The following DMD variants were observed in gnomAD, a reference collection of about 807,000 sequenced individuals.
DMD encodes the protein dystrophin, also known as mutant dystrophin.
In DMD, 63 loss-of-function variants were observed where a neutral mutation model predicts 330.1. That is an observed-to-expected ratio of 0.19 (90% confidence interval 0.16 to 0.24). The LOEUF (loss-of-function observed/expected upper bound fraction) is 0.24. Among genes scored for constraint, DMD ranks in the 10% least tolerant of loss-of-function variants. DMD has a pLI of 1.00. For missense variants in DMD, 3,344 were observed against 2,684.1 expected, an observed-to-expected ratio of 1.25 and a Z score of -5.43; for synonymous variants, 1,223 against 959.8, an observed-to-expected ratio of 1.27 and a Z score of -5.07.
intron 60 of DMD, among the ~76,000 whole-genome samples, chrX:31,409,858 G>A (rs761581090): frequency 6.3e-5 from 7 of 110,826 alleles, no homozygotes; most frequent in Admixed American, 9.6e-5. Flanking sequence ...TTGCTCTATC[G>A]CCCAGGCTGG....
intron 47 of DMD, among the ~76,000 whole-genome samples, chrX:31,875,600 G>T (rs901976924): frequency 8.9e-6 from 1 of 111,741 alleles, no homozygotes; most frequent in African/African-American, 3.2e-5. Context: ...TTGCTTTAAA[G>T]AAACTAATAC....
intron 33 of DMD, among the ~76,000 whole-genome samples, chrX:32,381,371 C>A (rs1368894748): frequency 9.0e-6 from 1 of 111,329 alleles, no homozygotes; most frequent in African/African-American, 3.3e-5. Context: ...TACCAACACC[C>A]TCAAAAGCAA....
chrX:31,310,793 G>A (rs73466322), intron 62 of DMD, among the ~76,000 whole-genome samples: 2,835 of 104,675 alleles, frequency 0.027, 108 homozygotes, highest in African/African-American at 0.094. Flanking sequence ...GGGCTTAAGT[G>A]TTCCTTCTGC....
intron 29 of DMD, among the ~76,000 whole-genome samples, chrX:32,413,803 C>T (rs912721202): frequency 9.4e-6 from 1 of 105,872 alleles, no homozygotes; most frequent in Non-Finnish European, 1.9e-5. Context: ...TCACTGCAAC[C>T]TCTGCCTCCC....
At chrX:31,920,560 C>T (rs963110420) in intron 47 of DMD, among the ~76,000 whole-genome samples, 1 of 111,888 alleles carries the variant, frequency 8.9e-6, no homozygotes, top group African/African-American at 3.2e-5. Flanking sequence ...TAGCAAAATC[C>T]CCTTTTATTA....
chrX:32,410,485 T>A (rs1416544756), intron 30 of DMD, among the ~76,000 whole-genome samples: 1 of 111,878 alleles, frequency 8.9e-6, no homozygotes, highest in Admixed American at 9.6e-5. Context: ...CGGTGATTCA[T>A]TAACTGTAAT....
chrX:31,307,238 T>C (rs1733067609), intron 62 of DMD, among the ~76,000 whole-genome samples: 1 of 112,016 alleles, frequency 8.9e-6, no homozygotes, highest in African/African-American at 3.2e-5. Context: ...AGTTTGAACA[T>C]GTTTTCTCCA....
At chrX:33,211,613 C>G, upstream of DMD, 2 of 945,352 alleles carry the variant, frequency 2.1e-6, no homozygotes, top group Non-Finnish European at 2.7e-6. Flanking sequence ...AGCAAGTGAC[C>G]CGCCTTCTCT....
chrX:31,729,618 T>C lies in DMD; in HGVS notation c.7660+13A>G, dbSNP rs760058465. The C allele has an allele frequency of 2.5e-6, 3 of 1,188,546 alleles. No individual in the cohort carries two copies. In the East Asian group the frequency reaches 8.9e-5, roughly 35 times the overall value. ...TCTTGCTTTGTGTGTCCCATGCTTG[T>C]TAAAAAACTTACTTCGATCCGTAAT... On this transcript the variant is annotated intron_variant, in intron 52 of 78. Transcript: ENST00000357033.
chrX:33,032,165 TGA>T (rs1198079381), intron 1 of DMD, among the ~76,000 whole-genome samples: 2 of 111,763 alleles, frequency 1.8e-5, no homozygotes, highest in African/African-American at 6.5e-5. Context: ...CAGTCAGATA[TGA>T]GAGTGTGTCA....
intron 7 of DMD, among the ~76,000 whole-genome samples, chrX:32,797,309 T>C (rs2076249461): frequency 8.9e-6 from 1 of 112,283 alleles, no homozygotes; most frequent in African/African-American, 3.2e-5. Flanking sequence ...CTTATAATTA[T>C]GTATAAAACA....
chrX:32,444,312 A>G (rs1325757433), intron 27 of DMD, among the ~76,000 whole-genome samples: 2 of 110,614 alleles, frequency 1.8e-5, no homozygotes, highest in South Asian at 7.4e-4. Flanking sequence ...GGCAGAGCAT[A>G]AAATCTCTAC....
chrX:32,722,890 C>T (rs757881010), intron 7 of DMD, among the ~76,000 whole-genome samples: 1 of 109,154 alleles, frequency 9.2e-6, no homozygotes, highest in Non-Finnish European at 1.9e-5. Flanking sequence ...AATAATATTA[C>T]TTCTTCCTTT....
intron 48 of DMD, among the ~76,000 whole-genome samples, chrX:31,861,637 CCTGT>C (rs1266895225): frequency 1.8e-5 from 1 of 54,271 alleles, no homozygotes; most frequent in East Asian, 4.7e-4. Context: ...AAAATAATCA[CCTGT>C]GTGTGTGTGT....
At chrX:32,751,696 AG>A (rs1480372596) in intron 7 of DMD, among the ~76,000 whole-genome samples, 2 of 112,517 alleles carry the variant, frequency 1.8e-5, no homozygotes, top group African/African-American at 6.4e-5. Flanking sequence ...AAATGTCTCC[AG>A]GGCACGTCAG....
intron 2 of DMD, among the ~76,000 whole-genome samples, chrX:32,998,584 T>A (rs1411312964): frequency 1.8e-5 from 2 of 108,174 alleles, no homozygotes; most frequent in Non-Finnish European, 3.8e-5. Context: ...TTAATTACTT[T>A]AAAGTTCTCT....
chrX:32,653,116 C>G (rs760430348), intron 9 of DMD, among the ~76,000 whole-genome samples: 84 of 111,765 alleles, frequency 7.5e-4, no homozygotes, highest in Middle Eastern at 4.6e-3. Context: ...GTTGCCTGTT[C>G]ACTATGATGG....
chrX:32,417,321 GGA>G (rs200129886), intron 29 of DMD, among the ~76,000 whole-genome samples: 1,596 of 110,611 alleles, frequency 0.014, 26 homozygotes, highest in African/African-American at 0.047. Context: ...TGGCCCAGAG[GGA>G]GAGTAGGGAT....
chrX:32,560,567 T>C (rs1018114522), intron 16 of DMD, among the ~76,000 whole-genome samples: 2 of 110,518 alleles, frequency 1.8e-5, no homozygotes, highest in Non-Finnish European at 3.8e-5. Flanking sequence ...CCAGCATCCG[T>C]TAGCTATTTT....
Sources: gnomAD v4.1 joint callset for allele counts (sites outside exome capture counted in the v4.1 genomes callset) on GRCh38, gnomAD v4.1.1 for gene constraint, MANE v1.5 for transcripts, NCBI Gene and HGNC (gene_info 2026-07-23, HGNC 2026-07-21) for gene names.